The following KRT38 variants were observed in gnomAD, a reference collection of about 807,000 sequenced individuals.
KRT38 encodes keratin, type I cuticular Ha8.
A neutral mutation model predicts 43.1 loss-of-function variants in KRT38; 45 were observed. The observed-to-expected ratio is 1.04, with a 90% CI of 0.82 to 1.34. The LOEUF (loss-of-function observed/expected upper bound fraction) is 1.34, where lower values mean the gene tolerates loss of function less well. Among genes scored for constraint, KRT38 ranks in the 40% most tolerant of loss-of-function variants. The pLI is 0.00. For synonymous variants in KRT38, 258 were observed against 244.0 expected (o/e 1.06, Z -0.53); for missense variants, 627 against 586.2 (o/e 1.07, Z -0.72).
intron 6 of KRT38, among the ~76,000 whole-genome samples, chr17:41,437,742 T>A (rs748434953): frequency 6.6e-5 from 10 of 152,184 alleles, no homozygotes; most frequent in African/African-American, 2.4e-4. Context: ...TGATTAAAGT[T>A]ATCCTATAGA....
rs752146346 is a variant in KRT38 at position 41,440,764 on chromosome 17, T to C, written c.158A>G (p.Asn53Ser). Reference sequence around the variant, plus strand: ...GGGAGTGGACCCCACACGGACTCGGTTGGCATGTGCCACGTTGGCCAAAAG... The same window carrying C: ...GGGAGTGGACCCCACACGGACTCGGCTGGCATGTGCCACGTTGGCCAAAAG... ...MCLLANVAHANRVRVGSTPLG... is the reference protein window; with the variant it reads ...MCLLANVAHASRVRVGSTPLG... Residue 53 changes from asparagine (N) to serine (S), a missense_variant, in exon 1 of 7, where the codon AAC (asparagine) becomes AGC (serine). Transcript: ENST00000246646. The C allele has an allele frequency of 8.7e-6, 14 of 1,613,360 alleles. No individual in the cohort carries two copies. Among genetic ancestry groups the C allele is most frequent in the African/African-American group, 4.0e-5 (3 of 74,888 alleles).
At position 41,438,778 on chromosome 17, in the gene KRT38, C is replaced by G. The variant is rs549966690; in HGVS notation, c.813G>C (p.Arg271Ser). ...LDIEPTIDLN[R>S]VLGEMRAQYE... The stretch of plus-strand genomic sequence containing the variant: ...ACTGAGCCCGCATCTCCCCCAGCAC[C>G]CTGTTCAGGTCAATGGTGGGCTCAA... The change falls in exon 4 of 7, where the codon AGG (arginine) becomes AGC (serine). Residue 271 changes from arginine to serine, a missense_variant. Coordinates refer to ENST00000246646, the MANE Select transcript of KRT38 (RefSeq NM_006771.4). 1.2e-6 allele frequency: 2 copies of G among 1,614,142 alleles called. No homozygotes were observed. Among genetic ancestry groups the G allele is most frequent in the Non-Finnish European group, 1.7e-6 (2 of 1,180,012 alleles).
chr17:41,440,735 C>G lies in KRT38; in HGVS notation c.187G>C (p.Gly63Arg). 1 of 1,613,974 alleles carries G rather than the reference C, an allele frequency of 6.2e-7. No individual in the cohort carries two copies. The highest frequency in any genetic ancestry group is 8.5e-7 in the Non-Finnish European group (1 of 1,179,950). ...NRVRVGSTPLGRPSLCLPPTC... is the reference protein window; with the variant it reads ...NRVRVGSTPLRRPSLCLPPTC... ...GGCGGCAGACAGAGGCTGGGGCGGCCCAGGGGAGTGGACCCCACACGGACT... is the reference window on the plus strand; with the variant it reads ...GGCGGCAGACAGAGGCTGGGGCGGCGCAGGGGAGTGGACCCCACACGGACT... The change falls in exon 1 of 7, where the codon GGC (glycine) becomes CGC (arginine). Residue 63 changes from glycine to arginine, a missense_variant. By Grantham distance (125) the Gly-to-Arg change is moderately radical. Coordinates refer to ENST00000246646, the MANE Select transcript of KRT38 (RefSeq NM_006771.4).
At chr17:41,440,364 A>G (rs895846875) in intron 1 of KRT38, 66 bp downstream of exon 1, 350 of 1,598,526 alleles carry the variant, frequency 2.2e-4, no homozygotes, top group Non-Finnish European at 2.8e-4. Flanking sequence ...TGAGCTTTAC[A>G]TGGATTCCTC....
At position 41,438,150 on chromosome 17, in the gene KRT38, G is replaced by A. The variant is rs2018750789; in HGVS notation, c.1184C>T (p.Thr395Ile). The A allele has an allele frequency of 4.3e-6, 7 of 1,614,150 alleles. No homozygotes were observed. Among genetic ancestry groups the A allele is most frequent in the Non-Finnish European group, 5.1e-6 (6 of 1,180,028 alleles). The change falls in exon 6 of 7, where the codon ACC (threonine) becomes ATC (isoleucine). Residue 395 changes from threonine to isoleucine, a missense_variant. Physicochemically the swap from Thr to Ile is moderately conservative, Grantham distance 89. Coordinates refer to ENST00000246646, the MANE Select transcript of KRT38 (RefSeq NM_006771.4). ...QEYQVLLDVKTRLENEIATYR... is the reference protein window; with the variant it reads ...QEYQVLLDVKIRLENEIATYR... Reference sequence around the variant, plus strand: ...CGTGGCAATCTCATTCTCCAGCCGGGTCTTCACGTCCAGCAGCACCTGGTA... The same window carrying A: ...CGTGGCAATCTCATTCTCCAGCCGGATCTTCACGTCCAGCAGCACCTGGTA...
rs1319209525 is a variant in KRT38, at chr17:41,440,428, A to T, written c.492+2T>A. On this transcript the variant is annotated splice_donor_variant, in intron 1 of 6. Transcript: ENST00000246646. LOFTEE classifies it high-confidence loss of function. Reference sequence around the variant, plus strand: ...GCACACCCAAGCGATCCCACACCTCACCTTCTGTTGGAGCTCCTCGATGGT... The same window carrying T: ...GCACACCCAAGCGATCCCACACCTCTCCTTCTGTTGGAGCTCCTCGATGGT... 1.2e-6 allele frequency: 2 copies of T among 1,612,306 alleles called. No homozygotes were observed. The highest frequency in any genetic ancestry group is 4.5e-5 in the East Asian group (2 of 44,832).
chr17:41,438,339 A>C, intron 5 of KRT38, 26 bp from the exon 6 acceptor site: 4 of 1,609,372 alleles, frequency 2.5e-6, no homozygotes, highest in Non-Finnish European at 2.5e-6. Flanking sequence ...AGGGGATAAA[A>C]TATACAAGGC....
chr17:41,440,709 A>G lies in KRT38; in HGVS notation c.213T>C (p.Pro71=). 1 of 1,614,226 alleles carries G rather than the reference A, an allele frequency of 6.2e-7. No homozygotes were observed. The highest frequency in any genetic ancestry group is 8.5e-7 in the Non-Finnish European group (1 of 1,180,042). The change falls in exon 1 of 7, where the codon CCT becomes CCC. Residue 71 remains proline, a synonymous_variant. Coordinates refer to ENST00000246646, the MANE Select transcript of KRT38 (RefSeq NM_006771.4). ...PLGRPSLCLP[P]TCHTACPLPG... is the part of the protein sequence containing the mutation. ...GCAAGGGACAAGCAGTGTGGCAGGT[A>G]GGCGGCAGACAGAGGCTGGGGCGGC... is the stretch of plus-strand genomic sequence containing the variant.
chr17:41,440,798 G>T lies in KRT38; in HGVS notation c.124C>A (p.Pro42Thr), dbSNP rs772023252. ...GCCACGTTGGCCAAAAGGCACATGGGGGCAATGTTGGCCTCTGCCCCAGGC... is the reference window on the plus strand; with the variant it reads ...GCCACGTTGGCCAAAAGGCACATGGTGGCAATGTTGGCCTCTGCCCCAGGC... ...CQPGAEANIAPMCLLANVAHA... is the reference protein window; with the variant it reads ...CQPGAEANIATMCLLANVAHA... Residue 42 changes from proline (P) to threonine (T), a missense_variant, in exon 1 of 7, where the codon CCC becomes ACC. Physicochemically the swap from Pro to Thr is conservative, Grantham distance 38 (BLOSUM62 -1). Coordinates refer to ENST00000246646, the MANE Select transcript of KRT38 (RefSeq NM_006771.4). 1 of 1,612,440 alleles carries T rather than the reference G, an allele frequency of 6.2e-7. No individual in the cohort carries two copies. The highest frequency in any genetic ancestry group is 1.7e-5 in the Admixed American group (1 of 59,990).
In KRT38 at chr17:41,438,274, G is replaced by A. The variant is rs746851356; in HGVS notation, c.1060C>T (p.Arg354Cys). 2.4e-5 allele frequency: 38 copies of A among 1,614,042 alleles called. No homozygotes were observed. Among genetic ancestry groups the A allele is most frequent in the Admixed American group, 3.3e-5 (2 of 60,004 alleles). ...ATCTGGGCCAGCTCCGTGCCGAAGC[G>A]GTCCTCGGCTTCACACAGGGAGTTC... ...LQNSLCEAED[R>C]FGTELAQMQS... Residue 354 changes from arginine (R) to cysteine (C), a missense_variant, in exon 6 of 7, where the codon CGC becomes TGC. Coordinates refer to ENST00000246646, the MANE Select transcript of KRT38 (RefSeq NM_006771.4).
At chr17:41,439,809 T>G (rs2018775062) in intron 2 of KRT38, among the ~76,000 whole-genome samples, 1 of 152,174 alleles carries the variant, frequency 6.6e-6, no homozygotes, top group South Asian at 2.1e-4. Context: ...GGCTCCCTAA[T>G]TAAATCTGGA....
intron 6 of KRT38, 130 bp downstream of exon 6, chr17:41,437,963 G>A: frequency 1.2e-6 from 1 of 855,574 alleles, no homozygotes; most frequent in Non-Finnish European, 1.9e-6. Context: ...GTGCAGGACA[G>A]GGCAACGACT....
At chr17:41,440,136 C>T (rs1241849689) in intron 2 of KRT38, 25 bp downstream of exon 2, 4 of 1,591,994 alleles carry the variant, frequency 2.5e-6, no homozygotes, top group African/African-American at 1.3e-5. Context: ...AAGGAGTCAC[C>T]CTGGCCCTCC....
chr17:41,440,010 C>T (rs1284600697), intron 2 of KRT38, 151 bp downstream of exon 2: 2 of 667,234 alleles, frequency 3.0e-6, no homozygotes, highest in African/African-American at 3.6e-5. Flanking sequence ...TTTTCCCTTC[C>T]ATCTTCCATC....
intron 6 of KRT38, 50 bp downstream of exon 6, chr17:41,438,043 A>T: frequency 6.3e-7 from 1 of 1,586,354 alleles, no homozygotes; most frequent in Non-Finnish European, 8.6e-7. Context: ...TGAGGACCTC[A>T]TCAGAATTGA....
At position 41,439,269 on chromosome 17, in the gene KRT38, G is replaced by T; in HGVS notation, c.666C>A (p.Ala222=). 1 of 1,614,202 alleles carries T rather than the reference G, an allele frequency of 6.2e-7. No individual in the cohort carries two copies. The highest frequency in any genetic ancestry group is 8.5e-7 in the Non-Finnish European group (1 of 1,180,038). ...GGGACTCCTGCTGGGCCTCCAGGTC[G>T]GCCTTGGCCAGGGTCGCATCATCCA... ...KLLDDATLAK[A]DLEAQQESLK... is the part of the protein sequence containing the mutation. The change falls in exon 3 of 7, where the codon GCC becomes GCA. Residue 222 remains alanine (A), a synonymous_variant. Transcript: ENST00000246646.
intron 3 of KRT38, 99 bp from the exon 4 acceptor site, chr17:41,438,957 G>C: frequency 6.9e-7 from 1 of 1,440,402 alleles, no homozygotes; most frequent in Non-Finnish European, 9.5e-7. Flanking sequence ...AGTAGGAGGG[G>C]AGTCCCACAC....
chr17:41,437,999 C>T, intron 6 of KRT38, 94 bp downstream of exon 6: 2 of 1,241,070 alleles, frequency 1.6e-6, no homozygotes, highest in Non-Finnish European at 2.3e-6. Flanking sequence ...CACAGAGAGC[C>T]TCATTCTACA....
chr17:41,440,075 C>T, intron 2 of KRT38, 86 bp downstream of exon 2: 3 of 1,080,818 alleles, frequency 2.8e-6, no homozygotes, highest in Non-Finnish European at 4.2e-6. Context: ...GAAGAAATGA[C>T]AATGATTCCC....
Sources: gnomAD v4.1 joint callset for allele counts (sites outside exome capture counted in the v4.1 genomes callset) on GRCh38, gnomAD v4.1.1 for gene constraint, MANE v1.5 for transcripts, NCBI Gene and HGNC (gene_info 2026-07-23, HGNC 2026-07-21) for gene names.